Variants in NRXN3 observed in about 807,000 individuals in gnomAD.
The protein encoded by NRXN3 is neurexin III.
In NRXN3, 32 loss-of-function variants were observed where a neutral mutation model predicts 137.6. The ratio of observed to expected loss-of-function variants is 0.23; its 90% CI spans 0.18 to 0.31. The LOEUF (loss-of-function observed/expected upper bound fraction) is 0.31. Among genes scored for constraint, NRXN3 ranks in the 10% least tolerant of loss-of-function variants. The pLI, the probability that NRXN3 is intolerant of heterozygous loss-of-function variation, is 1.00. For synonymous variants in NRXN3, 798 were observed against 784.5 expected, an observed-to-expected ratio of 1.02 and a Z score of -0.29; for missense variants, 1,574 against 2,062.5, an observed-to-expected ratio of 0.76 and a Z score of 4.59.
chr14:79,475,666 A>G (rs925251478), intron 16 of NRXN3, among the ~76,000 whole-genome samples: 34 of 152,088 alleles, frequency 2.2e-4, no homozygotes, highest in Admixed American at 8.5e-4. Flanking sequence ...TGAGCTTTCA[A>G]TCATGGATAG....
chr14:78,217,212 A>G (rs1395121746), intron 1 of NRXN3, among the ~76,000 whole-genome samples: 3 of 152,244 alleles, frequency 2.0e-5, no homozygotes, highest in Non-Finnish European at 4.4e-5. Context: ...AGACTCAGAA[A>G]AATAGCAAAC....
intron 2 of NRXN3, among the ~76,000 whole-genome samples, chr14:78,261,557 G>A (rs1308601017): frequency 6.6e-6 from 1 of 152,162 alleles, no homozygotes; most frequent in Non-Finnish European, 1.5e-5. Flanking sequence ...TCAAGATTTA[G>A]TGAAAATCTT....
At chr14:78,295,313 A>C (rs148886902) in intron 3 of NRXN3, among the ~76,000 whole-genome samples, 1 of 151,778 alleles carries the variant, frequency 6.6e-6, no homozygotes, top group Non-Finnish European at 1.5e-5. Context: ...AGGATCGTGT[A>C]TCTCGTTTTC....
intron 16 of NRXN3, among the ~76,000 whole-genome samples, chr14:79,492,650 G>A (rs2096728415): frequency 6.6e-6 from 1 of 152,084 alleles, no homozygotes; most frequent in Non-Finnish European, 1.5e-5. Flanking sequence ...CCAAAGTGCT[G>A]GGATTACAGG....
chr14:79,094,979 A>AGTATGTGTGT (rs2050003833), intron 15 of NRXN3, among the ~76,000 whole-genome samples: 2 of 115,928 alleles, frequency 1.7e-5, no homozygotes, highest in East Asian at 5.3e-4. Flanking sequence ...AGAGAGAGAG[A>AGTATGTGTGT]GTGTGTGTGT....
chr14:78,826,885 A>T (rs942246239), intron 10 of NRXN3, among the ~76,000 whole-genome samples: 1 of 152,198 alleles, frequency 6.6e-6, no homozygotes, highest in Non-Finnish European at 1.5e-5. Context: ...AAAACAATCC[A>T]TCACATTTTT....
At chr14:79,393,610 C>A (rs187113375) in intron 15 of NRXN3, among the ~76,000 whole-genome samples, 187 of 152,190 alleles carry the variant, frequency 1.2e-3, no homozygotes, top group African/African-American at 4.2e-3. Flanking sequence ...GTCAGAAGAT[C>A]GAGACCATCC....
At chr14:79,714,146 G>T (rs889306262) in intron 19 of NRXN3, among the ~76,000 whole-genome samples, 1 of 151,964 alleles carries the variant, frequency 6.6e-6, no homozygotes. Context: ...ACACAGATGG[G>T]GCTCCACACA....
intron 19 of NRXN3, among the ~76,000 whole-genome samples, chr14:79,773,657 T>C (rs1379410334): frequency 9.5e-5 from 14 of 147,078 alleles, no homozygotes; most frequent in Non-Finnish European, 9.0e-5. Context: ...AGGGATAGCA[T>C]TGGGATATAT....
chr14:78,392,407 A>G (rs562976611), intron 4 of NRXN3, among the ~76,000 whole-genome samples: 3 of 152,326 alleles, frequency 2.0e-5, no homozygotes, highest in South Asian at 4.1e-4. Context: ...CAGGAATTCT[A>G]TCCTGTGATA....
chr14:79,519,973 A>T (rs551827846), intron 16 of NRXN3, among the ~76,000 whole-genome samples: 5 of 152,206 alleles, frequency 3.3e-5, no homozygotes, highest in African/African-American at 1.2e-4. Flanking sequence ...ATCATTGAAT[A>T]AGCAAGATGA....
intron 8 of NRXN3, among the ~76,000 whole-genome samples, chr14:78,758,605 G>A (rs1333667999): frequency 6.6e-6 from 1 of 152,150 alleles, no homozygotes; most frequent in East Asian, 1.9e-4. Context: ...TATTGCAGTC[G>A]CTCTGCTCCC....
At chr14:78,474,058 C>T (rs1170740838) in intron 4 of NRXN3, among the ~76,000 whole-genome samples, 3 of 152,118 alleles carry the variant, frequency 2.0e-5, no homozygotes, top group Non-Finnish European at 4.4e-5. Flanking sequence ...GAAGAAGACT[C>T]ACTGGAGGCC....
chr14:78,966,025 G>A lies in NRXN3; in HGVS notation c.2396G>A (p.Gly799Asp), dbSNP rs774663772. 40 of 1,612,836 alleles carry A rather than the reference G, an allele frequency of 2.5e-5. No homozygotes were observed. Among genetic ancestry groups the A allele is most frequent in the Non-Finnish European group, 3.4e-5 (40 of 1,179,152 alleles). Residue 799 changes from glycine (G) to aspartate (D), a missense_variant and splice_region_variant, in exon 12 of 21, where the codon GGT becomes GAT. By Grantham distance (94) the Gly-to-Asp change is moderately conservative. Coordinates refer to ENST00000335750, the MANE Select transcript of NRXN3 (RefSeq NM_001330195.2). ...KLTVDDDVAE[G>D]TMVGDHTRLE... ...TGTACCTCATTTACAATTTTCACAG[G>A]TACAATGGTGGGAGACCATACCCGT... is the stretch of plus-strand genomic sequence containing the variant.
intron 20 of NRXN3, among the ~76,000 whole-genome samples, chr14:79,833,895 T>C (rs2099329860): frequency 6.6e-6 from 1 of 152,170 alleles, no homozygotes; most frequent in African/African-American, 2.4e-5. Context: ...AACCCAGGTG[T>C]GCACAATTCT....
intron 15 of NRXN3, among the ~76,000 whole-genome samples, chr14:79,040,731 A>T (rs1361780564): frequency 6.6e-6 from 1 of 152,124 alleles, no homozygotes; most frequent in African/African-American, 2.4e-5. Context: ...AAAGAAACTG[A>T]TGAGGGCTGG....
At chr14:79,241,358 T>A (rs2074257370) in intron 15 of NRXN3, among the ~76,000 whole-genome samples, 1 of 152,094 alleles carries the variant, frequency 6.6e-6, no homozygotes, top group Non-Finnish European at 1.5e-5. Flanking sequence ...GGGTAACTTA[T>A]AAAGGAAAGA....
intron 15 of NRXN3, among the ~76,000 whole-genome samples, chr14:79,348,234 G>A (rs1300178159): frequency 2.6e-5 from 4 of 151,998 alleles, no homozygotes; most frequent in African/African-American, 9.7e-5. Context: ...ATGTAAGTAG[G>A]CCTTTTCTCC....
chr14:79,773,440 A>G (rs2099085887), intron 19 of NRXN3, among the ~76,000 whole-genome samples: 1 of 152,116 alleles, frequency 6.6e-6, no homozygotes, highest in African/African-American at 2.4e-5. Context: ...ATGGAATACT[A>G]TGCAGCCATA....
Sources: gnomAD v4.1 joint callset for allele counts (sites outside exome capture counted in the v4.1 genomes callset) on GRCh38, gnomAD v4.1.1 for gene constraint, MANE v1.5 for transcripts, NCBI Gene and HGNC (gene_info 2026-07-23, HGNC 2026-07-21) for gene names.